The following PRR16 variants were observed in gnomAD, a reference collection of about 807,000 sequenced individuals.
PRR16 encodes the protein protein Largen.
A neutral mutation model predicts 18.2 loss-of-function variants in PRR16; 6 were observed. The ratio of observed to expected loss-of-function variants is 0.33; its 90% confidence interval spans 0.18 to 0.65. PRR16 has a LOEUF of 0.65. PRR16 is among the 30% of genes least tolerant of loss of function. The pLI is 0.74. For synonymous variants in PRR16, 151 were observed against 147.8 expected (o/e 1.02, Z -0.16); for missense variants, 412 against 376.6 (o/e 1.09, Z -0.78).
intron 1 of PRR16, among the ~76,000 whole-genome samples, chr5:120,598,912 T>A (rs1484644505): frequency 1.3e-5 from 2 of 151,922 alleles, no homozygotes; most frequent in Non-Finnish European, 2.9e-5. Flanking sequence ...CTTACTTTGT[T>A]AGAATTTTTT....
intron 1 of PRR16, among the ~76,000 whole-genome samples, chr5:120,672,462 T>C (rs1430962983): frequency 6.6e-6 from 1 of 151,354 alleles, no homozygotes; most frequent in African/African-American, 2.4e-5. Flanking sequence ...ATTGTAGCTT[T>C]ATTAAGTATT....
At chr5:120,498,570 CAA>C (rs1451350504) in intron 1 of PRR16, among the ~76,000 whole-genome samples, 1 of 151,578 alleles carries the variant, frequency 6.6e-6, no homozygotes, top group African/African-American at 2.4e-5. Context: ...AGAGAAAGCT[CAA>C]GAGGAAAGGA....
chr5:120,742,939 A>G, the PRR16 span, among the ~76,000 whole-genome samples: 1 of 152,228 alleles, frequency 6.6e-6, no homozygotes, highest in Non-Finnish European at 1.5e-5. Flanking sequence ...CTGTGCTTCC[A>G]TCATAACAGC....
the PRR16 span, among the ~76,000 whole-genome samples, chr5:120,738,136 G>T: frequency 6.6e-6 from 1 of 151,906 alleles, no homozygotes; most frequent in Non-Finnish European, 1.5e-5. Flanking sequence ...AAGATGAAAA[G>T]CCTGTCCATA....
intron 1 of PRR16, among the ~76,000 whole-genome samples, chr5:120,572,429 G>A (rs997358763): frequency 6.6e-6 from 1 of 152,130 alleles, no homozygotes; most frequent in African/African-American, 2.4e-5. Flanking sequence ...TTCAACAACT[G>A]GAGGAACTAC....
rs971272531 is a variant in PRR16, at chr5:120,531,206, AT to A, written c.159+66567del. Among the ~76,000 whole-genome samples, 12 of 151,906 alleles carry A rather than the reference AT, an allele frequency of 7.9e-5. 1 individual carries two copies. The highest frequency in any genetic ancestry group is 1.5e-5 in the Non-Finnish European group (1 of 67,976). The stretch of plus-strand genomic sequence containing the variant: ...ACCATGAACCTTTGTAGAATATAAC[AT>A]TTTTTCCCTCTTTAGTGGTGGTAGT... On this transcript the variant is annotated intron_variant, in intron 1 of 1. Transcript: ENST00000407149.
chr5:120,525,094 CTCTT>C (rs1469387652), intron 1 of PRR16, among the ~76,000 whole-genome samples: 3 of 152,008 alleles, frequency 2.0e-5, no homozygotes, highest in African/African-American at 7.2e-5. Context: ...TGGCAAGTCA[CTCTT>C]TCTTATGAGA....
chr5:120,593,044 T>C (rs533486345), intron 1 of PRR16, among the ~76,000 whole-genome samples: 4 of 152,116 alleles, frequency 2.6e-5, no homozygotes, highest in South Asian at 4.1e-4. Flanking sequence ...TAGTCCTAAA[T>C]GCCCACATCC....
chr5:120,580,262 A>G (rs1293108121), intron 1 of PRR16, among the ~76,000 whole-genome samples: 2 of 151,996 alleles, frequency 1.3e-5, no homozygotes, highest in Non-Finnish European at 2.9e-5. Flanking sequence ...AACTTCCAAT[A>G]CTATGTTGAA....
the PRR16 span, among the ~76,000 whole-genome samples, chr5:120,714,302 T>A: frequency 6.6e-6 from 1 of 152,206 alleles, no homozygotes; most frequent in African/African-American, 2.4e-5. Flanking sequence ...GAAGGTATTG[T>A]GATCAAAATC....
intron 1 of PRR16, among the ~76,000 whole-genome samples, chr5:120,682,178 T>G (rs1238233201): frequency 6.6e-6 from 1 of 152,210 alleles, no homozygotes; most frequent in African/African-American, 2.4e-5. Flanking sequence ...TGATCTCTTC[T>G]GTCAGAGGAC....
At chr5:120,578,875 G>GT (rs1753168985) in intron 1 of PRR16, among the ~76,000 whole-genome samples, 2 of 152,122 alleles carry the variant, frequency 1.3e-5, no homozygotes, top group Non-Finnish European at 2.9e-5. Context: ...CAGTGTAAAA[G>GT]TGTTCCTATT....
rs561964807 is a variant in PRR16 at position 120,491,925 on chromosome 5, T to C, written c.159+27280T>C. On this transcript the variant is annotated intron_variant, in intron 1 of 1. Transcript: ENST00000407149. Reference sequence around the variant, plus strand: ...TAAGGAAATTATGTCACTTCCCAAATCATACAACTTTGATAACAAAATTCA... The same window carrying C: ...TAAGGAAATTATGTCACTTCCCAAACCATACAACTTTGATAACAAAATTCA... 2.0e-5 allele frequency among the ~76,000 whole-genome samples: 3 copies of C among 152,250 alleles called. No individual in the cohort carries two copies. In the East Asian group the frequency reaches 5.8e-4, roughly 29 times the overall value.
chr5:120,522,137 TG>T (rs1751203642), intron 1 of PRR16, among the ~76,000 whole-genome samples: 1 of 152,230 alleles, frequency 6.6e-6, no homozygotes, highest in African/African-American at 2.4e-5. Context: ...AACATACGTG[TG>T]CATGTGTCTT....
the PRR16 span, among the ~76,000 whole-genome samples, chr5:120,703,737 G>C: frequency 6.7e-6 from 1 of 150,326 alleles, no homozygotes; most frequent in South Asian, 2.1e-4. Flanking sequence ...CTGGTTCTCT[G>C]TGTGAGAGTT....
chr5:120,493,009 T>A (rs1246754659), intron 1 of PRR16, among the ~76,000 whole-genome samples: 1 of 152,254 alleles, frequency 6.6e-6, no homozygotes, highest in East Asian at 1.9e-4. Context: ...TTAATTGTGC[T>A]GCTATAAATG....
At chr5:120,529,866 A>G (rs1751487865) in intron 1 of PRR16, among the ~76,000 whole-genome samples, 1 of 151,888 alleles carries the variant, frequency 6.6e-6, no homozygotes, top group African/African-American at 2.4e-5. Context: ...AAGTAAAGTC[A>G]CTCTTATAAG....
the PRR16 span, among the ~76,000 whole-genome samples, chr5:120,788,244 A>T: frequency 6.6e-6 from 1 of 151,816 alleles, no homozygotes; most frequent in African/African-American, 2.4e-5. Context: ...GTATCCATGG[A>T]CTCTAGAGTA....
At chr5:120,480,038 C>T (rs1749559398) in intron 1 of PRR16, among the ~76,000 whole-genome samples, 2 of 151,934 alleles carry the variant, frequency 1.3e-5, no homozygotes, top group African/African-American at 2.4e-5. Flanking sequence ...AACATTTTTT[C>T]GGGAGATTTA....
Sources: allele counts gnomAD v4.1 joint callset (sites outside exome capture counted in the v4.1 genomes callset), GRCh38; gene constraint gnomAD v4.1.1; transcripts MANE v1.5; gene names NCBI Gene and HGNC (gene_info 2026-07-23, HGNC 2026-07-21).